CPT1B: variants seen among roughly 807,000 people sequenced by gnomAD.
CPT1B encodes the protein carnitine O-palmitoyltransferase 1, muscle isoform.
In CPT1B, 57 loss-of-function variants were observed where a neutral mutation model predicts 92.7. The ratio of observed to expected loss-of-function variants is 0.62; its 90% CI spans 0.50 to 0.77. CPT1B has a LOEUF of 0.77. Among genes scored for constraint, CPT1B ranks in the 30% least tolerant of loss-of-function variants. The pLI is 0.00. For synonymous variants in CPT1B, 398 were observed against 383.5 expected (o/e 1.04, Z -0.44); for missense variants, 983 against 1,017.4 (o/e 0.97, Z 0.46).
In CPT1B at chr22:50,573,800, C is replaced by T; in HGVS notation, c.971-85G>A. On this transcript the variant is annotated intron_variant, in intron 9 of 19. Transcript: ENST00000312108. The surrounding 1 kb of genome is among the most constrained non-coding windows in gnomAD (Gnocchi z 5.0). Reference sequence around the variant, plus strand: ...CCACCTCCCATGCACTAGGTGACCCCTGCAGACCCTGTTTTGCTCGGCCTC... The same window carrying T: ...CCACCTCCCATGCACTAGGTGACCCTTGCAGACCCTGTTTTGCTCGGCCTC... 8.0e-7 allele frequency: 1 copy of T among 1,249,470 alleles called. No homozygotes were observed. The highest frequency in any genetic ancestry group is 1.1e-6 in the Non-Finnish European group (1 of 870,306). The allele number at this position is 1,249,470 out of a possible 1,614,324, so 77.4% of individuals were successfully genotyped here.
Position 50,576,559 on chromosome 22 carries a change from T to C in CPT1B, c.538A>G (p.Arg180Gly), listed in dbSNP as rs1252850024. Residue 180 changes from arginine to glycine, a missense_variant, in exon 5 of 20, where the codon AGG becomes GGG. By Grantham distance (125) the Arg-to-Gly change is moderately radical. Coordinates refer to ENST00000312108, the MANE Select transcript of CPT1B (RefSeq NM_152246.3). ...ACCCGCTGAATTGTGGCTGACACCC[T>C]GGGCACAGGAAGCTTGGGCAGAGAT... ...QTSLPKLPVP[R>G]VSATIQRYLE... 3 of 1,606,068 alleles carry C rather than the reference T, an allele frequency of 1.9e-6. No homozygotes were observed. The highest frequency in any genetic ancestry group is 2.6e-6 in the Non-Finnish European group (3 of 1,176,424).
intron 13 of CPT1B, among the ~76,000 whole-genome samples, 162 bp from the exon 14 acceptor site, chr22:50,571,701 C>T (rs1166306758): frequency 6.6e-6 from 1 of 152,166 alleles, no homozygotes; most frequent in Non-Finnish European, 1.5e-5. Flanking sequence ...GAGAATCAGC[C>T]CCCAGAGGCC....
intron 1 of CPT1B, 182 bp from the exon 2 acceptor site, chr22:50,578,116 G>A (rs1236059042): frequency 9.8e-6 from 2 of 203,936 alleles, no homozygotes; most frequent in Non-Finnish European, 1.9e-5. Context: ...CCTTCCGGGT[G>A]GGCACAGCCA....
intron 16 of CPT1B, 69 bp downstream of exon 16, chr22:50,570,822 A>G: frequency 6.4e-7 from 1 of 1,567,698 alleles, no homozygotes; most frequent in South Asian, 1.2e-5. Flanking sequence ...GTGCTCCATC[A>G]TGAGATGGCC....
chr22:50,577,120 G>C (rs2070479855), intron 3 of CPT1B, 86 bp from the exon 4 acceptor site: 4 of 1,499,314 alleles, frequency 2.7e-6, no homozygotes, highest in Non-Finnish European at 3.7e-6. Context: ...GACACCAAGG[G>C]GAAGAACCTC....
chr22:50,577,155 C>A (rs776488862), intron 3 of CPT1B, 121 bp from the exon 4 acceptor site: 11 of 1,382,260 alleles, frequency 8.0e-6, no homozygotes, highest in African/African-American at 1.4e-5. Flanking sequence ...TGTCTGACTG[C>A]ATCAAATGAG....
At position 50,569,418 on chromosome 22, in the gene CPT1B, C is replaced by T. The variant is rs201978200; in HGVS notation, c.2239G>A (p.Ala747Thr). ...SSKFSSSETN[A>T]QRFGNHIRKA... ...CGGATGTGGTTTCCAAAGCGCTGGG[C>T]GTTCTGTGGGAGCCAAGAGTTCAGA... is the stretch of plus-strand genomic sequence containing the variant. The change falls in exon 19 of 20, where the codon GCC becomes ACC. Residue 747 changes from alanine to threonine, a missense_variant. By Grantham distance (58) the Ala-to-Thr change is moderately conservative (BLOSUM62 0). Coordinates refer to ENST00000312108, the MANE Select transcript of CPT1B (RefSeq NM_152246.3). 2.7e-5 allele frequency: 44 copies of T among 1,614,046 alleles called. No homozygotes were observed. The East Asian group carries it at 6.0e-4, about 22-fold the overall frequency.
rs372290351 is a variant in CPT1B at position 50,574,034 on chromosome 22, C to T, written c.970+301G>A. 1.3e-3 allele frequency: 923 copies of T among 684,570 alleles called. 2 individuals carry two copies. The highest frequency in any genetic ancestry group is 2.1e-3 in the Non-Finnish European group (778 of 369,212). 42.4% of individuals were successfully genotyped at this position (684,570 alleles called of 1,614,324 possible). Reference sequence around the variant, plus strand: ...GCTGCCTCTGCCAGACCCCTGGGTGCGCCCCTCCCCTCCTCTGCCGGCTCC... The same window carrying T: ...GCTGCCTCTGCCAGACCCCTGGGTGTGCCCCTCCCCTCCTCTGCCGGCTCC... On this transcript the variant is annotated intron_variant, in intron 9 of 19. Transcript: ENST00000312108.
At chr22:50,569,315 G>T (rs747935500) in intron 19 of CPT1B, 21 bp downstream of exon 19, 8 of 1,612,168 alleles carry the variant, frequency 5.0e-6, no homozygotes, top group Non-Finnish European at 5.9e-6. Context: ...GGGACGAAAG[G>T]GCAGCTGGCA....
chr22:50,573,744 G>A lies in CPT1B; in HGVS notation c.971-29C>T. On this transcript the variant is annotated intron_variant, in intron 9 of 19. Transcript: ENST00000312108. This position sits in a 1 kb window ranked among gnomAD's most constrained non-coding sequence, Gnocchi z 5.0. The stretch of plus-strand genomic sequence containing the variant: ...TGATACAGGCCACGGGCAAGCTGAG[G>A]CGGGGCCCCCAGCTACATCCTGGGA... The A allele has an allele frequency of 2.5e-6, 4 of 1,600,228 alleles. No individual in the cohort carries two copies. The highest frequency in any genetic ancestry group is 3.4e-6 in the Non-Finnish European group (4 of 1,172,930).
rs1212933170 is a variant in CPT1B at position 50,571,249 on chromosome 22, C to T, written c.1784G>A (p.Arg595Lys). Residue 595 changes from arginine (R) to lysine (K), a missense_variant, in exon 15 of 20, where the codon AGA becomes AAA. Coordinates refer to ENST00000312108, the MANE Select transcript of CPT1B (RefSeq NM_152246.3). ...FCLTYEASMTRMFREGRTETV... is the reference protein window; with the variant it reads ...FCLTYEASMTKMFREGRTETV... Reference sequence around the variant, plus strand: ...CTCAGTCCGTCCCTCCCGGAACATTCTGGTCATTGAGGCCTCATAGGTCAG... The same window carrying T: ...CTCAGTCCGTCCCTCCCGGAACATTTTGGTCATTGAGGCCTCATAGGTCAG... 6.2e-7 allele frequency: 1 copy of T among 1,613,968 alleles called. No homozygotes were observed. The highest frequency in any genetic ancestry group is 8.5e-7 in the Non-Finnish European group (1 of 1,180,044).
At position 50,578,072 on chromosome 22, in the gene CPT1B, C is replaced by G. The variant is rs568988173; in HGVS notation, c.-19-138G>C. The G allele has an allele frequency of 1.8e-3, 711 of 400,422 alleles. 4 individuals are homozygous for G. The highest frequency in any genetic ancestry group is 0.015 in the African/African-American group (673 of 45,982). The allele number at this position is 400,422 out of a possible 1,614,324, so 24.8% of individuals were successfully genotyped here. On this transcript the variant is annotated intron_variant, in intron 1 of 19. Coordinates refer to ENST00000312108, the MANE Select transcript of CPT1B (RefSeq NM_152246.3). ...GCGGCTGCCCCCGGCCCGCGCCCCCCGCCAGGCCAACCGCCGCCAAATCCT... is the reference window on the plus strand; with the variant it reads ...GCGGCTGCCCCCGGCCCGCGCCCCCGGCCAGGCCAACCGCCGCCAAATCCT...
In CPT1B at chr22:50,573,778, C is replaced by A. The variant is rs2070302789; in HGVS notation, c.971-63G>T. The stretch of plus-strand genomic sequence containing the variant: ...CCAGCTACATCCTGGGAAGGGCCCA[C>A]CTCCCATGCACTAGGTGACCCCTGC... On this transcript the variant is annotated intron_variant, in intron 9 of 19. Coordinates refer to ENST00000312108, the MANE Select transcript of CPT1B (RefSeq NM_152246.3). The surrounding 1 kb of genome is among the most constrained non-coding windows in gnomAD (Gnocchi z 5.0). The A allele has an allele frequency of 1.4e-6, 2 of 1,465,162 alleles. No individual in the cohort carries two copies. Among genetic ancestry groups the A allele is most frequent in the Non-Finnish European group, 9.4e-7 (1 of 1,061,208 alleles). The allele number at this position is 1,465,162 out of a possible 1,614,324, so 90.8% of individuals were successfully genotyped here.
chr22:50,576,440 C>T (rs2070440179), intron 5 of CPT1B, 96 bp downstream of exon 5: 1 of 1,601,838 alleles, frequency 6.2e-7, no homozygotes, highest in Non-Finnish European at 8.5e-7. Flanking sequence ...TATTCTCAAG[C>T]CCTTAAGGCC....
Position 50,573,452 on chromosome 22 carries a change from G to A in CPT1B, c.1166+68C>T. On this transcript the variant is annotated intron_variant, in intron 10 of 19. Coordinates refer to ENST00000312108, the MANE Select transcript of CPT1B (RefSeq NM_152246.3). This position sits in a 1 kb window ranked among gnomAD's most constrained non-coding sequence, Gnocchi z 5.0. The stretch of plus-strand genomic sequence containing the variant: ...CCTCCAGTTCCAGGGTGGCAGGCAG[G>A]GCCACGCTCCTCTCCTCACGGAGCC... The A allele has an allele frequency of 7.1e-7, 1 of 1,415,630 alleles. No homozygotes were observed. Among genetic ancestry groups the A allele is most frequent in the Non-Finnish European group, 9.6e-7 (1 of 1,044,968 alleles). The allele number at this position is 1,415,630 out of a possible 1,614,324, so 87.7% of individuals were successfully genotyped here. A position where few individuals can be genotyped will look rare whatever the true frequency, so the allele number is the denominator to read the frequency against.
At position 50,572,940 on chromosome 22, in the gene CPT1B, G is replaced by A. The variant is rs2070249112; in HGVS notation, c.1287C>T (p.Asp429=). Residue 429 remains aspartate, a synonymous_variant, in exon 11 of 20, where the codon GAC becomes GAT. Coordinates refer to ENST00000312108, the MANE Select transcript of CPT1B (RefSeq NM_152246.3). ...VALDEESYSY[D]PEDEASLSLY... ...GGCTGAGGCTGGCCTCATCTTCGGG[G>A]TCATAGGAGTAGGATTCCTCATCCA... is the stretch of plus-strand genomic sequence containing the variant. 4 of 1,613,698 alleles carry A rather than the reference G, an allele frequency of 2.5e-6. No individual in the cohort carries two copies. The highest frequency in any genetic ancestry group is 1.7e-6 in the Non-Finnish European group (2 of 1,179,836).
rs1365541628 is a variant in CPT1B at position 50,573,087 on chromosome 22, G to A, written c.1167-27C>T. The A allele has an allele frequency of 1.3e-6, 2 of 1,574,088 alleles. No homozygotes were observed. Among genetic ancestry groups the A allele is most frequent in the Admixed American group, 3.4e-5 (2 of 58,318 alleles). On this transcript the variant is annotated intron_variant, in intron 10 of 19. Coordinates refer to ENST00000312108, the MANE Select transcript of CPT1B (RefSeq NM_152246.3). This position sits in a 1 kb window ranked among gnomAD's most constrained non-coding sequence, Gnocchi z 5.0. ...TGAAGCATGGGGCAGGGTAAGCAGT[G>A]GGCACGTGGACTTGGGATGAGGGTG...
At chr22:50,571,116 C>A in intron 15 of CPT1B, 42 bp downstream of exon 15, 2 of 1,612,004 alleles carry the variant, frequency 1.2e-6, no homozygotes, top group South Asian at 2.2e-5. Flanking sequence ...GGGGGCACCT[C>A]ACCCGACGAC....
intron 7 of CPT1B, among the ~76,000 whole-genome samples, chr22:50,575,494 C>T (rs376455604): frequency 1.6e-4 from 25 of 152,102 alleles, no homozygotes; most frequent in African/African-American, 4.3e-4. Flanking sequence ...TGCTTTGGAC[C>T]GTGGGAAAGG....
Sources: gnomAD v4.1 joint callset for allele counts (sites outside exome capture counted in the v4.1 genomes callset) on GRCh38, gnomAD v4.1.1 for gene constraint, Gnocchi (gnomAD v3.1) non-coding constraint, MANE v1.5 for transcripts, NCBI Gene and HGNC (gene_info 2026-07-23, HGNC 2026-07-21) for gene names.